The following PRDM5 variants were observed in gnomAD, a reference collection of about 807,000 sequenced individuals.
PRDM5 encodes PR/SET domain 5.
A neutral mutation model predicts 81.2 loss-of-function variants in PRDM5; 56 were observed. The ratio of observed to expected loss-of-function variants is 0.69; its 90% confidence interval spans 0.56 to 0.86. PRDM5 has a LOEUF of 0.86. Ranked by LOEUF, PRDM5 falls within the 40% of genes least tolerant of loss-of-function variation. PRDM5 has a pLI of 0.00. For missense variants in PRDM5, 697 were observed against 770.1 expected (o/e 0.91, Z 1.12); for synonymous variants, 267 against 256.4 (o/e 1.04, Z -0.39).
At chr4:120,800,826 T>C (rs576420185) in intron 8 of PRDM5, among the ~76,000 whole-genome samples, 2 of 152,248 alleles carry the variant, frequency 1.3e-5, no homozygotes, top group East Asian at 3.9e-4. Flanking sequence ...ATAACTTAAA[T>C]ATACAGAATA....
Position 120,816,469 on chromosome 4 carries a change from C to CTGG in PRDM5, c.846_848dup (p.His282dup). On this transcript the variant is annotated inframe_insertion, in exon 7 of 16. Transcript: ENST00000264808. ...ACTCCTCACCAGTGTGGACATTTTCCTGGTGTCTTTTCAGGGCATCCTTGC... is the reference window on the plus strand; with the variant it reads ...ACTCCTCACCAGTGTGGACATTTTCCTGGTGGTGTCTTTTCAGGGCATCCTTGC... 6.2e-7 allele frequency: 1 copy of CTGG among 1,614,150 alleles called. No individual in the cohort carries two copies. Among genetic ancestry groups the CTGG allele is most frequent in the Non-Finnish European group, 8.5e-7 (1 of 1,180,020 alleles).
intron 4 of PRDM5, among the ~76,000 whole-genome samples, chr4:120,820,285 G>A (rs1755094382): frequency 2.0e-5 from 3 of 152,132 alleles, no homozygotes; most frequent in African/African-American, 7.2e-5. Context: ...AATTAGAAAC[G>A]GGCCCTCACC....
intron 2 of PRDM5, among the ~76,000 whole-genome samples, chr4:120,888,118 C>A (rs1433588892): frequency 6.6e-6 from 1 of 152,168 alleles, no homozygotes; most frequent in Non-Finnish European, 1.5e-5. Context: ...GTTGTTCTGT[C>A]TTATTATTTT....
intron 14 of PRDM5, among the ~76,000 whole-genome samples, chr4:120,729,089 A>C (rs1400691516): frequency 6.6e-6 from 1 of 152,166 alleles, no homozygotes; most frequent in Non-Finnish European, 1.5e-5. Flanking sequence ...ATGAAGTCTC[A>C]AGCAGGAAGT....
At chr4:120,745,618 A>G (rs1312995618) in intron 14 of PRDM5, among the ~76,000 whole-genome samples, 1 of 141,022 alleles carries the variant, frequency 7.1e-6, no homozygotes, top group Non-Finnish European at 1.5e-5. Flanking sequence ...AAAAATCACA[A>G]GCATTCCTAT....
chr4:120,725,512 T>C (rs1849077), intron 14 of PRDM5, among the ~76,000 whole-genome samples: 72,324 of 151,990 alleles, frequency 0.48, 17,893 homozygotes, highest in East Asian at 0.67. Flanking sequence ...ACTTTTTACC[T>C]ACTAGCTTTT....
At chr4:120,824,034 A>G (rs1017988389) in intron 3 of PRDM5, among the ~76,000 whole-genome samples, 1 of 152,216 alleles carries the variant, frequency 6.6e-6, no homozygotes, top group Non-Finnish European at 1.5e-5. Flanking sequence ...CACCATGAGT[A>G]GAAGGAGCCT....
At chr4:120,784,600 G>T (rs1749495392) in intron 11 of PRDM5, among the ~76,000 whole-genome samples, 1 of 152,072 alleles carries the variant, frequency 6.6e-6, no homozygotes, top group Admixed American at 6.6e-5. Flanking sequence ...TGAAAAGTTT[G>T]TGAGCTCATA....
At chr4:120,888,228 G>A (rs1763678373) in intron 2 of PRDM5, among the ~76,000 whole-genome samples, 1 of 152,164 alleles carries the variant, frequency 6.6e-6, no homozygotes, top group Non-Finnish European at 1.5e-5. Flanking sequence ...CAGCCATATA[G>A]CTATCACACA....
At chr4:120,737,495 C>G (rs1417014955) in intron 14 of PRDM5, among the ~76,000 whole-genome samples, 1 of 152,160 alleles carries the variant, frequency 6.6e-6, no homozygotes, top group Non-Finnish European at 1.5e-5. Context: ...CAGTACTTTC[C>G]CACGCCATCA....
At chr4:120,760,437 C>CA (rs1352075681) in intron 13 of PRDM5, among the ~76,000 whole-genome samples, 1 of 152,110 alleles carries the variant, frequency 6.6e-6, no homozygotes, top group Admixed American at 6.5e-5. Flanking sequence ...GTAAATATGT[C>CA]ATACCATCCT....
intron 14 of PRDM5, among the ~76,000 whole-genome samples, chr4:120,716,358 T>A (rs750291062): frequency 2.0e-5 from 3 of 152,142 alleles, no homozygotes; most frequent in South Asian, 2.1e-4. Flanking sequence ...ATTAAAGAAG[T>A]TTGAAGAGAA....
At chr4:120,876,051 G>A (rs150360652) in intron 2 of PRDM5, among the ~76,000 whole-genome samples, 1,637 of 152,152 alleles carry the variant, frequency 0.011, 27 homozygotes, top group Middle Eastern at 0.082. Context: ...GCACAATTTC[G>A]TCTCCCAGAA....
rs757072105 is a variant in PRDM5 at position 120,818,490 on chromosome 4, T to C, written c.513A>G (p.Gln171=). The part of the protein sequence containing the change: ...LGCKEDYACP[Q]CESSFTSEDI... ...CCTCACTGGTAAAACTCGATTCACA[T>C]TGAGGACAAGCATAGTCCTCTTTAC... The change falls in exon 5 of 16, where the codon CAA becomes CAG. Residue 171 remains glutamine, a synonymous_variant. Transcript: ENST00000264808. 6.8e-6 allele frequency: 11 copies of C among 1,613,778 alleles called. No individual in the cohort carries two copies. Among genetic ancestry groups the C allele is most frequent in the Non-Finnish European group, 9.3e-6 (11 of 1,179,672 alleles).
intron 1 of PRDM5, among the ~76,000 whole-genome samples, chr4:120,918,938 G>A (rs528986549): frequency 6.6e-6 from 1 of 152,296 alleles, no homozygotes; most frequent in Non-Finnish European, 1.5e-5. Context: ...TCTCCTAAAT[G>A]GTTGCAGCCT....
intron 14 of PRDM5, among the ~76,000 whole-genome samples, chr4:120,747,256 G>A (rs1432610813): frequency 7.1e-6 from 1 of 140,818 alleles, no homozygotes; most frequent in Non-Finnish European, 1.5e-5. Context: ...GACACAGGAA[G>A]GGGAACATCA....
intron 2 of PRDM5, among the ~76,000 whole-genome samples, chr4:120,879,614 T>C (rs1180016337): frequency 6.6e-6 from 1 of 152,206 alleles, no homozygotes; most frequent in South Asian, 2.1e-4. Context: ...TACTTTATTG[T>C]AAGAATACTG....
At chr4:120,783,656 T>C (rs1749359601) in intron 11 of PRDM5, among the ~76,000 whole-genome samples, 1 of 152,138 alleles carries the variant, frequency 6.6e-6, no homozygotes, top group Non-Finnish European at 1.5e-5. Flanking sequence ...TAATGAACTA[T>C]AATAGAAATT....
intron 8 of PRDM5, among the ~76,000 whole-genome samples, chr4:120,807,621 G>A (rs958467408): frequency 6.6e-6 from 1 of 152,134 alleles, no homozygotes; most frequent in East Asian, 1.9e-4. Context: ...GGAATTGGTG[G>A]GTTCTTGGTC....
Sources: gnomAD v4.1 joint callset for allele counts (sites outside exome capture counted in the v4.1 genomes callset) on GRCh38, gnomAD v4.1.1 for gene constraint, MANE v1.5 for transcripts, NCBI Gene and HGNC (gene_info 2026-07-23, HGNC 2026-07-21) for gene names.